Variants in ARHGAP24 observed in about 807,000 individuals in gnomAD.
The protein encoded by ARHGAP24 is Rho GTPase activating protein 24.
ARHGAP24 carries 50 observed loss-of-function variants against 76.4 expected under a neutral mutation model. The observed-to-expected ratio is 0.65, with a 90% confidence interval of 0.52 to 0.83. The LOEUF (loss-of-function observed/expected upper bound fraction) is 0.83, where lower values mean the gene tolerates loss of function less well. Ranked by LOEUF, ARHGAP24 falls within the 40% of genes least tolerant of loss-of-function variation. The probability of loss-of-function intolerance (pLI) is 0.00; values close to 1 mark genes in which losing one functional copy is unlikely to be tolerated. For missense variants in ARHGAP24, 930 were observed against 914.2 expected, an observed-to-expected ratio of 1.02 and a Z score of -0.22; for synonymous variants, 345 against 323.3, an observed-to-expected ratio of 1.07 and a Z score of -0.72.
intron 2 of ARHGAP24, among the ~76,000 whole-genome samples, chr4:85,628,697 G>T (rs962060709): frequency 1.3e-5 from 2 of 152,110 alleles, no homozygotes; most frequent in Non-Finnish European, 2.9e-5. Context: ...GGCTTTACAT[G>T]TATTTACAAT....
At chr4:85,854,135 C>CAAAAA (rs35799327) in intron 3 of ARHGAP24, among the ~76,000 whole-genome samples, 3 of 85,588 alleles carry the variant, frequency 3.5e-5, no homozygotes, top group East Asian at 3.5e-4. Context: ...GACTCTGTCT[C>CAAAAA]AAAAAAAAAA....
chr4:85,683,352 A>T (rs369444397), intron 2 of ARHGAP24, among the ~76,000 whole-genome samples: 10 of 152,264 alleles, frequency 6.6e-5, no homozygotes, highest in African/African-American at 2.4e-4. Context: ...CTAGCCCATG[A>T]AGGGGAGCAC....
intron 3 of ARHGAP24, among the ~76,000 whole-genome samples, chr4:85,909,768 G>A (rs934498054): frequency 6.6e-6 from 1 of 152,198 alleles, no homozygotes; most frequent in Non-Finnish European, 1.5e-5. Flanking sequence ...TTTAATGAGG[G>A]TGTCTAGAAA....
chr4:85,800,836 T>C (rs1728550746), intron 3 of ARHGAP24, among the ~76,000 whole-genome samples: 1 of 152,226 alleles, frequency 6.6e-6, no homozygotes. Context: ...GCACAAGTAG[T>C]TTATTTCCTA....
At chr4:85,614,781 C>G (rs1350617541) in intron 2 of ARHGAP24, among the ~76,000 whole-genome samples, 1 of 151,954 alleles carries the variant, frequency 6.6e-6, no homozygotes, top group East Asian at 1.9e-4. Context: ...CACATTAATT[C>G]CTTTTGATAA....
At chr4:85,768,138 G>A (rs1726996778) in intron 3 of ARHGAP24, among the ~76,000 whole-genome samples, 1 of 152,038 alleles carries the variant, frequency 6.6e-6, no homozygotes, top group Non-Finnish European at 1.5e-5. Flanking sequence ...ACATGTTATA[G>A]CAAAATGTTA....
At chr4:85,775,828 G>GAAT (rs1390536920) in intron 3 of ARHGAP24, among the ~76,000 whole-genome samples, 1 of 152,090 alleles carries the variant, frequency 6.6e-6, no homozygotes, top group African/African-American at 2.4e-5. Flanking sequence ...CAAAGCAAGA[G>GAAT]AATAATGGAA....
intron 2 of ARHGAP24, among the ~76,000 whole-genome samples, chr4:85,667,863 A>G (rs531367429): frequency 6.6e-6 from 1 of 152,230 alleles, no homozygotes; most frequent in African/African-American, 2.4e-5. Flanking sequence ...TTTAATTGCT[A>G]TTTTTTTCTC....
intron 3 of ARHGAP24, among the ~76,000 whole-genome samples, chr4:85,807,962 C>T (rs12507782): frequency 0.028 from 4,263 of 152,128 alleles, 84 homozygotes; most frequent in Non-Finnish European, 0.041. Flanking sequence ...ATAAATTCAC[C>T]CTCCCTGAGC....
At chr4:85,776,971 C>T (rs1727331168) in intron 3 of ARHGAP24, among the ~76,000 whole-genome samples, 2 of 152,202 alleles carry the variant, frequency 1.3e-5, no homozygotes, top group Non-Finnish European at 2.9e-5. Flanking sequence ...GTGTCCAACT[C>T]TTGTCACATT....
chr4:86,001,304 G>A lies in ARHGAP24; in HGVS notation c.*582G>A, dbSNP rs567845954. ...GTAAATAGTTTTATAAAATACAGTC[G>A]AATCACCAGGAACCTTTGAGCTGCT... On this transcript the variant is annotated 3_prime_UTR_variant, in exon 10 of 10. Transcript: ENST00000395184. 1.8e-5 allele frequency: 7 copies of A among 398,858 alleles called. No individual in the cohort carries two copies. Among genetic ancestry groups the A allele is most frequent in the East Asian group, 1.4e-4 (4 of 28,058 alleles). 24.7% of individuals were successfully genotyped at this position (398,858 alleles called of 1,614,324 possible). A position where few individuals can be genotyped will look rare whatever the true frequency, so the allele number is the denominator to read the frequency against.
In ARHGAP24 at chr4:85,655,239, A is replaced by G. The variant is rs533605981; in HGVS notation, c.181-66646A>G. 2.6e-5 allele frequency among the ~76,000 whole-genome samples: 4 copies of G among 152,298 alleles called. No individual in the cohort carries two copies. The East Asian group carries it at 7.7e-4, about 29-fold the overall frequency. On this transcript the variant is annotated intron_variant, in intron 2 of 9. Coordinates refer to ENST00000395184, the MANE Select transcript of ARHGAP24 (RefSeq NM_001025616.3). ...GGGTGATAAATGCCCTTAAAATTACATAATTGTTTTCCATGATATTTATCA... is the reference window on the plus strand; with the variant it reads ...GGGTGATAAATGCCCTTAAAATTACGTAATTGTTTTCCATGATATTTATCA...
At chr4:85,698,703 C>T (rs1723960844) in intron 2 of ARHGAP24, among the ~76,000 whole-genome samples, 4 of 152,184 alleles carry the variant, frequency 2.6e-5, no homozygotes, top group Admixed American at 2.6e-4. Flanking sequence ...GGGCTTCTTC[C>T]TGGCTTCCAC....
At chr4:85,666,039 T>C (rs985866257) in intron 2 of ARHGAP24, among the ~76,000 whole-genome samples, 9 of 152,220 alleles carry the variant, frequency 5.9e-5, no homozygotes, top group African/African-American at 2.2e-4. Flanking sequence ...CTTCTCTGTA[T>C]TTCCTGAATC....
intron 3 of ARHGAP24, among the ~76,000 whole-genome samples, chr4:85,844,249 T>G (rs171106): frequency 0.99 from 150,877 of 152,346 alleles, 74,732 homozygotes; most frequent in Middle Eastern, 1. Flanking sequence ...ATACCAGAGA[T>G]TAAAGAGATA....
chr4:85,876,978 A>G (rs1253252522), intron 3 of ARHGAP24, among the ~76,000 whole-genome samples: 3 of 152,034 alleles, frequency 2.0e-5, no homozygotes, highest in Admixed American at 6.5e-5. Flanking sequence ...CCTGTTTTTG[A>G]TATTGACATA....
At chr4:85,984,042 G>A (rs963221291) in intron 8 of ARHGAP24, among the ~76,000 whole-genome samples, 20 of 152,106 alleles carry the variant, frequency 1.3e-4, no homozygotes, top group African/African-American at 4.8e-4. Context: ...TGCCCTACAG[G>A]AACTTACAGC....
intron 1 of ARHGAP24, among the ~76,000 whole-genome samples, chr4:85,546,568 G>C (rs561355441): frequency 1.3e-5 from 2 of 152,134 alleles, no homozygotes; most frequent in African/African-American, 4.8e-5. Flanking sequence ...AGTTCATTCA[G>C]CCTCTTTATC....
intron 2 of ARHGAP24, among the ~76,000 whole-genome samples, chr4:85,682,995 A>C (rs74393803): frequency 0.073 from 11,136 of 151,794 alleles, 548 homozygotes; most frequent in Middle Eastern, 0.13. Context: ...ACAATAAATG[A>C]GGGAAAATTA....
Sources: allele counts gnomAD v4.1 joint callset (sites outside exome capture counted in the v4.1 genomes callset), GRCh38; gene constraint gnomAD v4.1.1; transcripts MANE v1.5; gene names NCBI Gene and HGNC (gene_info 2026-07-23, HGNC 2026-07-21).